Variants in ZNF229 observed in about 807,000 individuals in gnomAD.
ZNF229 encodes the protein zinc finger protein 229.
In ZNF229, 10 loss-of-function variants were observed where a neutral mutation model predicts 11.8. That is an observed-to-expected ratio of 0.85 (90% CI 0.52 to 1.44). The LOEUF (loss-of-function observed/expected upper bound fraction) is 1.44, where lower values mean the gene tolerates loss of function less well. Ranked by LOEUF, ZNF229 falls within the 40% of genes most tolerant of loss-of-function variation. The pLI is 0.00. For synonymous variants in ZNF229, 368 were observed against 374.8 expected, an observed-to-expected ratio of 0.98 and a Z score of 0.21; for missense variants, 1,045 against 1,015.1, an observed-to-expected ratio of 1.03 and a Z score of -0.40.
chr19:44,439,356 TG>T (rs567905221), intron 4 of ZNF229, among the ~76,000 whole-genome samples: 42 of 152,320 alleles, frequency 2.8e-4, no homozygotes, highest in Middle Eastern at 3.4e-3. Flanking sequence ...CACATGTGTT[TG>T]TACTGTTTGT....
chr19:44,444,168 G>T (rs989252319), intron 2 of ZNF229, among the ~76,000 whole-genome samples: 88 of 152,140 alleles, frequency 5.8e-4, no homozygotes, highest in Middle Eastern at 6.3e-3. Flanking sequence ...CTTACAATCT[G>T]CTCAGAGCTA....
At chr19:44,431,418 G>C (rs1391658644) in intron 5 of ZNF229, among the ~76,000 whole-genome samples, 6 of 152,046 alleles carry the variant, frequency 3.9e-5, no homozygotes, top group Admixed American at 3.9e-4. Context: ...CCAGGGACTA[G>C]TACAATACTA....
intron 5 of ZNF229, chr19:44,431,862 G>A (rs1971728398): frequency 1.0e-6 from 1 of 953,334 alleles, no homozygotes; most frequent in African/African-American, 1.8e-5. Flanking sequence ...ACCATTAGGA[G>A]GTGGTGGGTC....
intron 4 of ZNF229, among the ~76,000 whole-genome samples, chr19:44,433,447 G>A (rs1971759346): frequency 6.6e-6 from 1 of 152,028 alleles, no homozygotes. Context: ...GGGGGTGGGA[G>A]GTGTTTGGAT....
At chr19:44,438,195 G>A (rs1208395994) in intron 4 of ZNF229, among the ~76,000 whole-genome samples, 2 of 151,934 alleles carry the variant, frequency 1.3e-5, no homozygotes, top group Non-Finnish European at 2.9e-5. Context: ...CTAAAAACAT[G>A]GTAAAAATGA....
In ZNF229 at chr19:44,442,567, G is replaced by C. The variant is rs565718175; in HGVS notation, c.89C>G (p.Ser30Cys). The stretch of plus-strand genomic sequence containing the variant: ...AGAGAAAAGAAAACAACCCACCTGA[G>C]ACATGATCTTCTCCTCCCTATCTTG... ...ISQDREEKIM[S>C]QEPLSFKDVA... Residue 30 changes from serine (S) to cysteine (C), a missense_variant, in exon 4 of 6, where the codon TCT (serine) becomes TGT (cysteine). Physicochemically the swap from Ser to Cys is moderately radical, Grantham distance 112. Transcript: ENST00000614049. 2 of 1,614,042 alleles carry C rather than the reference G, an allele frequency of 1.2e-6. No homozygotes were observed. The highest frequency in any genetic ancestry group is 4.5e-5 in the East Asian group (2 of 44,880).
At position 44,432,213 on chromosome 19, in the gene ZNF229, T is replaced by C. The variant is rs1366930682; in HGVS notation, c.238+9A>G. The C allele has an allele frequency of 1.2e-6, 2 of 1,604,676 alleles. No individual in the cohort carries two copies. The highest frequency in any genetic ancestry group is 1.7e-6 in the Non-Finnish European group (2 of 1,177,518). On this transcript the variant is annotated intron_variant, in intron 5 of 5. Coordinates refer to ENST00000614049, the MANE Select transcript of ZNF229 (RefSeq NM_014518.4). ...ACAAGAACACTCCAAGAAGTTCAGT[T>C]CCAATTACCCAGAGGATTCCTCTCA...
chr19:44,432,103 A>AT (rs1021141605), intron 5 of ZNF229, 119 bp downstream of exon 5: 4 of 1,475,072 alleles, frequency 2.7e-6, no homozygotes, highest in African/African-American at 1.4e-5. Flanking sequence ...CAGTCTGGCA[A>AT]TTTTTTACAG....
rs1482673407 is a variant in ZNF229 at position 44,442,543 on chromosome 19, G to C, written c.93+20C>G. The stretch of plus-strand genomic sequence containing the variant: ...TGATGCCTAAGGTGGTATTTCGGGA[G>C]AGAAAAGAAAACAACCCACCTGAGA... On this transcript the variant is annotated intron_variant, in intron 4 of 5. Coordinates refer to ENST00000614049, the MANE Select transcript of ZNF229 (RefSeq NM_014518.4). 3 of 1,613,282 alleles carry C rather than the reference G, an allele frequency of 1.9e-6. No homozygotes were observed. Among genetic ancestry groups the C allele is most frequent in the Non-Finnish European group, 2.5e-6 (3 of 1,179,448 alleles).
Position 44,443,948 on chromosome 19 carries a change from G to C in ZNF229, c.-177-924C>G, listed in dbSNP as rs191647951. Among the ~76,000 whole-genome samples, 21 of 152,036 alleles carry C rather than the reference G, an allele frequency of 1.4e-4. No individual in the cohort carries two copies. The East Asian group carries it at 4.1e-3, about 29-fold the overall frequency. On this transcript the variant is annotated intron_variant, in intron 2 of 5. Coordinates refer to ENST00000614049, the MANE Select transcript of ZNF229 (RefSeq NM_014518.4). ...TCTGCCCCGCCCCACCCCCCAGACTGAATTAATTACTCTGGGATCCAGCAA... is the reference window on the plus strand; with the variant it reads ...TCTGCCCCGCCCCACCCCCCAGACTCAATTAATTACTCTGGGATCCAGCAA...
Position 44,428,629 on chromosome 19 carries a change from C to G in ZNF229, c.2152G>C (p.Gly718Arg). 6.2e-7 allele frequency: 1 copy of G among 1,614,054 alleles called. No homozygotes were observed. Among genetic ancestry groups the G allele is most frequent in the African/African-American group, 1.3e-5 (1 of 74,956 alleles). ...CCTGAGCCATATCTGAAACCCTTCC[C>G]ACATTCACAACAAGTGTAGGGTTTC... is the stretch of plus-strand genomic sequence containing the variant. ...GEKPYTCCEC[G>R]KGFRYGSGLL... Residue 718 changes from glycine to arginine, a missense_variant, in exon 6 of 6, where the codon GGG becomes CGG. Gly to Arg is a moderately radical substitution (Grantham distance 125, BLOSUM62 -2). Coordinates refer to ENST00000614049, the MANE Select transcript of ZNF229 (RefSeq NM_014518.4).
chr19:44,439,298 G>A (rs1322589025), intron 4 of ZNF229, among the ~76,000 whole-genome samples: 1 of 152,150 alleles, frequency 6.6e-6, no homozygotes, highest in Non-Finnish European at 1.5e-5. Context: ...GCAATATTCA[G>A]ACATTTACAT....
chr19:44,442,989 T>C lies in ZNF229; in HGVS notation c.-142A>G. The C allele has an allele frequency of 1.0e-6, 1 of 985,186 alleles. No homozygotes were observed. Among genetic ancestry groups the C allele is most frequent in the Non-Finnish European group, 1.6e-6 (1 of 643,898 alleles). 61.0% of individuals were successfully genotyped at this position (985,186 alleles called of 1,614,324 possible). A position where few individuals can be genotyped will look rare whatever the true frequency, so the allele number is the denominator to read the frequency against. On this transcript the variant is annotated 5_prime_UTR_variant, in exon 3 of 6. Coordinates refer to ENST00000614049, the MANE Select transcript of ZNF229 (RefSeq NM_014518.4). ...GACAAGTTCCTGTCTCCACCTTTAC[T>C]GTCCAGAGCGCGACTGCTTCCCATG...
In ZNF229 at chr19:44,430,174, A is replaced by G; in HGVS notation, c.607T>C (p.Cys203Arg). 3 of 1,614,020 alleles carry G rather than the reference A, an allele frequency of 1.9e-6. No homozygotes were observed. Among genetic ancestry groups the G allele is most frequent in the Non-Finnish European group, 2.5e-6 (3 of 1,180,010 alleles). ...VNQLGDVQER[C>R]KNLDTEDTVY... is the part of the protein sequence containing the mutation. The stretch of plus-strand genomic sequence containing the variant: ...GTGTCTTCTGTGTCGAGATTTTTAC[A>G]TCTTTCTTGAACATCCCCTAACTGG... The change falls in exon 6 of 6, where the codon TGT becomes CGT. Residue 203 changes from cysteine (C) to arginine (R), a missense_variant. Coordinates refer to ENST00000614049, the MANE Select transcript of ZNF229 (RefSeq NM_014518.4).
intron 4 of ZNF229, among the ~76,000 whole-genome samples, chr19:44,441,564 A>G (rs1971909552): frequency 6.6e-6 from 1 of 152,190 alleles, no homozygotes. Context: ...CATTTACTTT[A>G]TATCGCTTGA....
intron 5 of ZNF229, among the ~76,000 whole-genome samples, chr19:44,431,546 G>A (rs1370733401): frequency 1.3e-5 from 2 of 152,096 alleles, no homozygotes; most frequent in South Asian, 2.1e-4. Context: ...GAGGTCCCTC[G>A]CTCATTCTGG....
rs1183437913 is a variant in ZNF229, at chr19:44,427,501, A to AAAC, written c.*801_*802insGTT. ...CCATATGAAATACTATCAGTGGTAAAAAAAAAGTCATTTTTTTAAAGTGAA... is the reference window on the plus strand; with the variant it reads ...CCATATGAAATACTATCAGTGGTAAAAACAAAAAAGTCATTTTTTTAAAGTGAA... On this transcript the variant is annotated 3_prime_UTR_variant, in exon 6 of 6. Transcript: ENST00000614049. The AAAC allele has an allele frequency of 1.3e-5, 2 of 151,598 alleles. No individual in the cohort carries two copies. Among genetic ancestry groups the AAAC allele is most frequent in the African/African-American group, 4.9e-5 (2 of 41,148 alleles). 9.4% of individuals were successfully genotyped at this position (151,598 alleles called of 1,614,324 possible).
chr19:44,431,765 A>T lies in ZNF229; in HGVS notation c.238+457T>A, dbSNP rs956409976. ...AAGACCTCTAGGCCTCATGGTTCTCACCTGGAGATGCATTTCTTGGAGTTT... is the reference window on the plus strand; with the variant it reads ...AAGACCTCTAGGCCTCATGGTTCTCTCCTGGAGATGCATTTCTTGGAGTTT... On this transcript the variant is annotated intron_variant, in intron 5 of 5. Transcript: ENST00000614049. The T allele has an allele frequency of 2.2e-5, 22 of 988,568 alleles. No individual in the cohort carries two copies. The South Asian group carries it at 3.7e-4, about 17-fold the overall frequency. 61.2% of individuals were successfully genotyped at this position (988,568 alleles called of 1,614,324 possible).
intron 4 of ZNF229, among the ~76,000 whole-genome samples, chr19:44,433,248 G>C (rs1362795970): frequency 1.3e-5 from 2 of 152,018 alleles, no homozygotes; most frequent in African/African-American, 4.8e-5. Flanking sequence ...GTAGAGATGG[G>C]ACCTTGCTAT....
Sources: allele counts gnomAD v4.1 joint callset (sites outside exome capture counted in the v4.1 genomes callset), GRCh38; gene constraint gnomAD v4.1.1; transcripts MANE v1.5; gene names NCBI Gene and HGNC (gene_info 2026-07-23, HGNC 2026-07-21).